The following SLC24A3 variants were observed in gnomAD, a reference collection of about 807,000 sequenced individuals.
The protein encoded by SLC24A3 is sodium/potassium/calcium exchanger 3.
A neutral mutation model predicts 75.8 loss-of-function variants in SLC24A3; 28 were observed. The observed-to-expected ratio is 0.37, with a 90% confidence interval of 0.27 to 0.51. The LOEUF is 0.51. Among genes scored for constraint, SLC24A3 ranks in the 20% least tolerant of loss-of-function variants. The probability of loss-of-function intolerance (pLI) is 0.94; values close to 1 mark genes in which losing one functional copy is unlikely to be tolerated. For missense variants in SLC24A3, 663 were observed against 847.8 expected, an observed-to-expected ratio of 0.78 and a Z score of 2.71; for synonymous variants, 372 against 334.1, an observed-to-expected ratio of 1.11 and a Z score of -1.24.
Position 19,368,901 on chromosome 20 carries a change from A to G in SLC24A3, c.271+87814A>G, listed in dbSNP as rs151088560. On this transcript the variant is annotated intron_variant, in intron 2 of 16. Coordinates refer to ENST00000328041, the MANE Select transcript of SLC24A3 (RefSeq NM_020689.4). ...TTTGAACATCAAAATAAATAATGAC[A>G]ATAACAGGTTATAATCCATAGAGTA... is the stretch of plus-strand genomic sequence containing the variant. 2.6e-5 allele frequency among the ~76,000 whole-genome samples: 4 copies of G among 152,340 alleles called. No homozygotes were observed. The East Asian group carries it at 7.7e-4, about 29-fold the overall frequency.
intron 7 of SLC24A3, among the ~76,000 whole-genome samples, chr20:19,658,251 G>A (rs897295291): frequency 6.6e-6 from 1 of 151,712 alleles, no homozygotes; most frequent in Non-Finnish European, 1.5e-5. Context: ...CTGCTGAGGG[G>A]CCGAGGGTTC....
intron 2 of SLC24A3, among the ~76,000 whole-genome samples, chr20:19,341,608 A>G (rs1600438139): frequency 6.6e-6 from 1 of 152,326 alleles, no homozygotes. Context: ...AAGACAGAGT[A>G]AACACTTCTT....
intron 2 of SLC24A3, among the ~76,000 whole-genome samples, chr20:19,287,070 A>T (rs905666339): frequency 1.3e-5 from 2 of 152,240 alleles, no homozygotes; most frequent in Non-Finnish European, 2.9e-5. Flanking sequence ...AATTATTTAG[A>T]TAGGGTAATA....
chr20:19,581,980 A>T (rs998138806), intron 4 of SLC24A3, among the ~76,000 whole-genome samples: 3 of 152,164 alleles, frequency 2.0e-5, no homozygotes, highest in African/African-American at 7.2e-5. Flanking sequence ...TTCATATAAC[A>T]AGAGTGGGTG....
intron 3 of SLC24A3, among the ~76,000 whole-genome samples, chr20:19,558,032 G>C (rs1360678117): frequency 1.3e-5 from 2 of 152,090 alleles, no homozygotes; most frequent in African/African-American, 4.8e-5. Context: ...AGAACTAAAT[G>C]CGTTGAAGCA....
chr20:19,559,323 G>A (rs545385166), intron 3 of SLC24A3, among the ~76,000 whole-genome samples: 1 of 152,126 alleles, frequency 6.6e-6, no homozygotes, highest in East Asian at 1.9e-4. Context: ...TTTTGTTTTT[G>A]TGTTGTACGT....
intron 2 of SLC24A3, among the ~76,000 whole-genome samples, chr20:19,498,609 A>G (rs763125240): frequency 6.6e-6 from 1 of 152,178 alleles, no homozygotes; most frequent in Non-Finnish European, 1.5e-5. Context: ...TCTGATCCAT[A>G]TTAATAGATA....
intron 6 of SLC24A3, among the ~76,000 whole-genome samples, chr20:19,650,530 C>CA (rs2032189362): frequency 6.6e-6 from 1 of 152,160 alleles, no homozygotes; most frequent in African/African-American, 2.4e-5. Context: ...GATATTTGCT[C>CA]AACATCTCTA....
chr20:19,275,448 A>G (rs555507721), intron 1 of SLC24A3, among the ~76,000 whole-genome samples: 1 of 152,352 alleles, frequency 6.6e-6, no homozygotes, highest in African/African-American at 2.4e-5. Context: ...ATCAGAGAGC[A>G]GGCAGCTCCA....
intron 3 of SLC24A3, among the ~76,000 whole-genome samples, chr20:19,547,469 G>A (rs1245803141): frequency 6.6e-6 from 1 of 152,204 alleles, no homozygotes; most frequent in African/African-American, 2.4e-5. Flanking sequence ...ATAGTTGCAT[G>A]ATTTCATAAA....
chr20:19,213,681 T>TA (rs1981473428), intron 1 of SLC24A3, among the ~76,000 whole-genome samples: 1 of 152,248 alleles, frequency 6.6e-6, no homozygotes, highest in Non-Finnish European at 1.5e-5. Context: ...TCCGCTCCTC[T>TA]ACCGGTGCTC....
intron 2 of SLC24A3, among the ~76,000 whole-genome samples, chr20:19,490,913 T>C (rs1387439166): frequency 6.6e-6 from 1 of 152,236 alleles, no homozygotes; most frequent in African/African-American, 2.4e-5. Flanking sequence ...TGCTCCTCCC[T>C]CATGGCAATC....
At chr20:19,249,349 G>A (rs1982584594) in intron 1 of SLC24A3, among the ~76,000 whole-genome samples, 1 of 152,254 alleles carries the variant, frequency 6.6e-6, no homozygotes, top group East Asian at 1.9e-4. Flanking sequence ...TGTGCTCTCA[G>A]TGTCATGAAA....
chr20:19,579,071 C>T (rs2031181524), intron 3 of SLC24A3, among the ~76,000 whole-genome samples: 2 of 152,148 alleles, frequency 1.3e-5, no homozygotes, highest in Non-Finnish European at 2.9e-5. Context: ...AAACAATGGC[C>T]ACAGCTAAGG....
intron 2 of SLC24A3, among the ~76,000 whole-genome samples, chr20:19,328,410 T>G (rs1984920145): frequency 6.6e-6 from 1 of 151,424 alleles, no homozygotes; most frequent in South Asian, 2.1e-4. Flanking sequence ...TGGGCAAGAG[T>G]GGAAGGTGAA....
intron 2 of SLC24A3, among the ~76,000 whole-genome samples, chr20:19,462,556 G>A (rs538333212): frequency 1.3e-5 from 2 of 152,186 alleles, no homozygotes; most frequent in Non-Finnish European, 2.9e-5. Flanking sequence ...TAACCGACAT[G>A]GTGAGACCTG....
intron 1 of SLC24A3, among the ~76,000 whole-genome samples, chr20:19,279,438 C>A (rs962328091): frequency 1.1e-4 from 17 of 152,220 alleles, no homozygotes; most frequent in African/African-American, 4.1e-4. Flanking sequence ...CCAGGCCCCA[C>A]CTGTCATGTT....
chr20:19,704,960 G>T lies in SLC24A3; in HGVS notation c.1719+6280G>T, dbSNP rs574208941. 4.6e-5 allele frequency among the ~76,000 whole-genome samples: 7 copies of T among 152,258 alleles called. No individual in the cohort carries two copies. In the South Asian group the frequency reaches 1.0e-3, roughly 23 times the overall value. On this transcript the variant is annotated intron_variant, in intron 15 of 16. Coordinates refer to ENST00000328041, the MANE Select transcript of SLC24A3 (RefSeq NM_020689.4). ...GGTTAAATCACACAGCCAGAAAGAG[G>T]CAGAGAGGAGTGCTTTCCTCAAAGC...
intron 2 of SLC24A3, among the ~76,000 whole-genome samples, chr20:19,383,605 C>A (rs1485103581): frequency 6.6e-6 from 1 of 152,088 alleles, no homozygotes; most frequent in African/African-American, 2.4e-5. Context: ...CTCTTAATTG[C>A]CATGGTGTGT....
Sources: allele counts gnomAD v4.1 joint callset (sites outside exome capture counted in the v4.1 genomes callset), GRCh38; gene constraint gnomAD v4.1.1; transcripts MANE v1.5; gene names NCBI Gene and HGNC (gene_info 2026-07-23, HGNC 2026-07-21).